DIP2C: variants seen among roughly 807,000 people sequenced by gnomAD.
The protein encoded by DIP2C is DIP2 acetate--CoA ligase C (putative).
DIP2C carries 33 observed loss-of-function variants against 192.4 expected under a neutral mutation model. The ratio of observed to expected loss-of-function variants is 0.17; its 90% CI spans 0.13 to 0.23. The LOEUF (loss-of-function observed/expected upper bound fraction) is 0.23, where lower values mean the gene tolerates loss of function less well. Ranked by LOEUF, DIP2C falls within the 10% of genes least tolerant of loss-of-function variation. The probability of loss-of-function intolerance (pLI) is 1.00; values close to 1 mark genes in which losing one functional copy is unlikely to be tolerated. For synonymous variants in DIP2C, 979 were observed against 864.1 expected (o/e 1.13, Z -2.33); for missense variants, 1,537 against 2,110.1 (o/e 0.73, Z 5.32).
intron 8 of DIP2C, among the ~76,000 whole-genome samples, chr10:413,269 A>G (rs1965301827): frequency 6.6e-6 from 1 of 152,258 alleles, no homozygotes; most frequent in Non-Finnish European, 1.5e-5. Flanking sequence ...CAAAAAGCTT[A>G]CAGACTGTAT....
chr10:308,556 G>T (rs2132311651), intron 32 of DIP2C, among the ~76,000 whole-genome samples: 1 of 152,346 alleles, frequency 6.6e-6, no homozygotes, highest in East Asian at 1.9e-4. Flanking sequence ...TTAATGCCCA[G>T]AAGTGATTAT....
At position 487,134 on chromosome 10, in the gene DIP2C, G is replaced by A. The variant is rs961872989; in HGVS notation, c.86-604C>T. On this transcript the variant is annotated intron_variant, in intron 1 of 36. Transcript: ENST00000280886. The stretch of plus-strand genomic sequence containing the variant: ...AAAGCTCACAGACAGCCACGGACGC[G>A]CAGCAGCCATGCCTTTCCTGGAGCC... 7.9e-5 allele frequency among the ~76,000 whole-genome samples: 12 copies of A among 152,308 alleles called. No homozygotes were observed. The South Asian group carries it at 1.4e-3, about 18-fold the overall frequency.
In DIP2C at chr10:359,235, C is replaced by T. The variant is rs567961607; in HGVS notation, c.2795-1298G>A. On this transcript the variant is annotated intron_variant, in intron 22 of 36. Coordinates refer to ENST00000280886, the MANE Select transcript of DIP2C (RefSeq NM_014974.3). ...AACAAGGCAGTCAGGGCCTGACGTC[C>T]TCTAGCCGGCCCCCAGGGAGAGCAG... Among the ~76,000 whole-genome samples the T allele has an allele frequency of 9.2e-5, 14 of 152,330 alleles. No homozygotes were observed. In the South Asian group the frequency reaches 2.9e-3, roughly 32 times the overall value.
At chr10:580,248 T>C (rs1850529452) in intron 1 of DIP2C, among the ~76,000 whole-genome samples, 1 of 152,158 alleles carries the variant, frequency 6.6e-6, no homozygotes, top group Non-Finnish European at 1.5e-5. Flanking sequence ...TATACATGTG[T>C]AAAGTATGTA....
At chr10:482,007 T>C (rs957902307) in intron 2 of DIP2C, among the ~76,000 whole-genome samples, 2 of 152,198 alleles carry the variant, frequency 1.3e-5, no homozygotes, top group Non-Finnish European at 2.9e-5. Flanking sequence ...ACCACCCAAC[T>C]ATGACAGTGG....
rs763085727 is a variant in DIP2C, at chr10:364,534, T to C, written c.2317A>G (p.Ile773Val). 1.2e-6 allele frequency: 2 copies of C among 1,614,154 alleles called. No homozygotes were observed. Among genetic ancestry groups the C allele is most frequent in the Non-Finnish European group, 1.7e-6 (2 of 1,180,028 alleles). Reference sequence around the variant, plus strand: ...ACGAACCCCAGCAAGCCTGTCCTTATGAATGGGTATTCACTGATCGGAGCC... The same window carrying C: ...ACGAACCCCAGCAAGCCTGTCCTTACGAATGGGTATTCACTGATCGGAGCC... ...SGAPISEYPF[I>V]RTGLLGFVGP... The change falls in exon 20 of 37, where the codon ATA (isoleucine) becomes GTA (valine). Residue 773 changes from isoleucine to valine, a missense_variant. Ile to Val is a conservative substitution (Grantham distance 29). Around this residue, in one of 4 missense-constraint regions of DIP2C, gnomAD observed 677 missense variants for 989.9 expected, o/e 0.68. Transcript: ENST00000280886.
chr10:411,309 T>TGC (rs1362643432), intron 8 of DIP2C, among the ~76,000 whole-genome samples: 1 of 152,096 alleles, frequency 6.6e-6, no homozygotes, highest in African/African-American at 2.4e-5. Context: ...ACCAGAGAGC[T>TGC]GCTGTGAGGC....
chr10:593,389 C>T (rs890021520), intron 1 of DIP2C, among the ~76,000 whole-genome samples: 29 of 152,180 alleles, frequency 1.9e-4, no homozygotes, highest in African/African-American at 6.3e-4. Flanking sequence ...ATAATTTATC[C>T]TGTAAATTCC....
chr10:421,438 G>A lies in DIP2C; in HGVS notation c.604+1386C>T, dbSNP rs1479190461. ...CCCCAAGTGGCAGAGATGGTGTTTG[G>A]CCTCCCCGTTCAGGTGCCCGATAAA... On this transcript the variant is annotated intron_variant, in intron 5 of 36. Coordinates refer to ENST00000280886, the MANE Select transcript of DIP2C (RefSeq NM_014974.3). Among the ~76,000 whole-genome samples, 3 of 152,134 alleles carry A rather than the reference G, an allele frequency of 2.0e-5. No individual in the cohort carries two copies. The East Asian group carries it at 5.8e-4, about 29-fold the overall frequency.
chr10:528,995 C>G (rs1364564728), intron 1 of DIP2C, among the ~76,000 whole-genome samples: 1 of 152,216 alleles, frequency 6.6e-6, no homozygotes, highest in African/African-American at 2.4e-5. Context: ...TCATGAGACA[C>G]CTGACGGGGA....
intron 1 of DIP2C, among the ~76,000 whole-genome samples, chr10:547,622 G>A (rs558224997): frequency 1.6e-3 from 247 of 152,284 alleles, no homozygotes; most frequent in African/African-American, 5.5e-3. Flanking sequence ...AAGGCTTGCT[G>A]AAGATTATCC....
chr10:359,802 T>G (rs906861424), intron 22 of DIP2C, among the ~76,000 whole-genome samples: 7 of 152,172 alleles, frequency 4.6e-5, no homozygotes, highest in Non-Finnish European at 1.0e-4. Flanking sequence ...ACAGATTTTT[T>G]TTGAGACAGA....
chr10:689,157 G>T lies in DIP2C; in HGVS notation c.85+337C>A, dbSNP rs1831447174. 6.7e-6 allele frequency among the ~76,000 whole-genome samples: 1 copy of T among 149,770 alleles called. No homozygotes were observed. The highest frequency in any genetic ancestry group is 1.5e-5 in the Non-Finnish European group (1 of 67,170). On this transcript the variant is annotated intron_variant, in intron 1 of 36. Coordinates refer to ENST00000280886, the MANE Select transcript of DIP2C (RefSeq NM_014974.3). This position sits in a 1 kb window ranked among gnomAD's most constrained non-coding sequence, Gnocchi z 6.1. ...GGCCCCACAGACACCCCCAGGGCGC[G>T]GGGGGATCGCGGCCCCACAAACATC...
At chr10:493,188 T>C (rs1844572754) in intron 1 of DIP2C, among the ~76,000 whole-genome samples, 1 of 152,148 alleles carries the variant, frequency 6.6e-6, no homozygotes, top group African/African-American at 2.4e-5. Context: ...AACATGCCAG[T>C]TTCACACAAA....
chr10:292,090 C>A (rs1955522256), intron 32 of DIP2C, among the ~76,000 whole-genome samples: 1 of 152,274 alleles, frequency 6.6e-6, no homozygotes, highest in African/African-American at 2.4e-5. Flanking sequence ...TCTGTGAGAG[C>A]ACCTGCCGCT....
intron 2 of DIP2C, among the ~76,000 whole-genome samples, chr10:480,558 C>T (rs1843529102): frequency 6.6e-6 from 1 of 152,246 alleles, no homozygotes; most frequent in Non-Finnish European, 1.5e-5. Flanking sequence ...CTTCACGTTT[C>T]TGCACTTTGC....
intron 25 of DIP2C, among the ~76,000 whole-genome samples, chr10:349,117 TTTA>T (rs753770589): frequency 6.6e-6 from 1 of 152,272 alleles, no homozygotes; most frequent in Non-Finnish European, 1.5e-5. Context: ...AAAGCATCAC[TTTA>T]TTGACGCCTC....
At chr10:434,462 A>G (rs937151380) in intron 4 of DIP2C, among the ~76,000 whole-genome samples, 2 of 152,136 alleles carry the variant, frequency 1.3e-5, no homozygotes, top group Non-Finnish European at 2.9e-5. Context: ...TTTAAGAGAC[A>G]GAGTCTCACT....
intron 32 of DIP2C, among the ~76,000 whole-genome samples, chr10:309,794 G>A (rs1956492877): frequency 1.3e-5 from 2 of 151,866 alleles, no homozygotes; most frequent in South Asian, 2.1e-4. Context: ...CAGGTGATCC[G>A]CCTACCTCAG....
Sources: gnomAD v4.1 joint callset for allele counts (sites outside exome capture counted in the v4.1 genomes callset) on GRCh38, gnomAD v4.1.1 for gene constraint, gnomAD v4.1.1 regional missense constraint, Gnocchi (gnomAD v3.1) non-coding constraint, MANE v1.5 for transcripts, NCBI Gene and HGNC (gene_info 2026-07-23, HGNC 2026-07-21) for gene names.